Variants in THBD observed in about 807,000 individuals in gnomAD.
The protein encoded by THBD is CD141 antigen.
For synonymous variants in THBD, 449 were observed against 374.2 expected (o/e 1.20, Z -2.31); for missense variants, 850 against 816.9 (o/e 1.04, Z -0.49).
In THBD at chr20:23,049,223, G is replaced by C. The variant is rs538290084; in HGVS notation, c.282C>G (p.Pro94=). 1.9e-4 allele frequency: 282 copies of C among 1,524,152 alleles called. No individual in the cohort carries two copies. Among genetic ancestry groups the C allele is most frequent in the Middle Eastern group, 5.5e-4 (3 of 5,460 alleles). 94.4% of individuals were successfully genotyped at this position (1,524,152 alleles called of 1,614,324 possible). The change falls in exon 1 of 1, where the codon CCC becomes CCG. Residue 94 remains proline, a synonymous_variant. Transcript: ENST00000377103. The part of the protein sequence containing the change: ...RRLWIGLQLP[P]GCGDPKRLGP... The stretch of plus-strand genomic sequence containing the variant: ...CGAGGCGCTTGGGGTCGCCGCAGCC[G>C]GGTGGCAGCTGCAGGCCGATCCAGA...
chr20:23,049,659 G>A lies in THBD; in HGVS notation c.-155C>T. The A allele has an allele frequency of 9.6e-7, 1 of 1,044,984 alleles. No homozygotes were observed. The highest frequency in any genetic ancestry group is 1.4e-6 in the Non-Finnish European group (1 of 698,128). 64.7% of individuals were successfully genotyped at this position (1,044,984 alleles called of 1,614,324 possible). A position where few individuals can be genotyped will look rare whatever the true frequency, so the allele number is the denominator to read the frequency against. On this transcript the variant is annotated 5_prime_UTR_variant, in exon 1 of 1. Transcript: ENST00000377103. Reference sequence around the variant, plus strand: ...TGCCGCTGCGCGCAGCCCCTGCGAGGCAGCCTCTGACATGCGGATCGGCCA... The same window carrying A: ...TGCCGCTGCGCGCAGCCCCTGCGAGACAGCCTCTGACATGCGGATCGGCCA...
chr20:23,047,948 T>G lies in THBD; in HGVS notation c.1557A>C (p.Ile519=). The change falls in exon 1 of 1, where the codon ATA becomes ATC. Residue 519 remains isoleucine, a synonymous_variant. Transcript: ENST00000377103. ...AVGLVHSGLL[I]GISIASLCLV... is the part of the protein sequence containing the mutation. Reference sequence around the variant, plus strand: ...GGCACAGGCTCGCGATGGAGATGCCTATGAGCAAGCCCGAATGCACGAGCC... The same window carrying G: ...GGCACAGGCTCGCGATGGAGATGCCGATGAGCAAGCCCGAATGCACGAGCC... The G allele has an allele frequency of 6.2e-7, 1 of 1,609,776 alleles. No individual in the cohort carries two copies. Among genetic ancestry groups the G allele is most frequent in the Non-Finnish European group, 8.5e-7 (1 of 1,178,506 alleles).
rs960583361 is a variant in THBD, at chr20:23,046,043, G to A, written c.*1734C>T. On this transcript the variant is annotated 3_prime_UTR_variant, in exon 1 of 1. Transcript: ENST00000377103. ...TTGTACAAGTGATGTCATAAGCAAGGATTTTGCCTGTGTTCTAGATTATCT... is the reference window on the plus strand; with the variant it reads ...TTGTACAAGTGATGTCATAAGCAAGAATTTTGCCTGTGTTCTAGATTATCT... The A allele has an allele frequency of 1.3e-5, 2 of 152,202 alleles. No homozygotes were observed. Among genetic ancestry groups the A allele is most frequent in the African/African-American group, 4.8e-5 (2 of 41,438 alleles). The allele number at this position is 152,202 out of a possible 1,614,324, so 9.4% of individuals were successfully genotyped here.
At position 23,049,383 on chromosome 20, in the gene THBD, C is replaced by G; in HGVS notation, c.122G>C (p.Gly41Ala). 2 of 1,601,048 alleles carry G rather than the reference C, an allele frequency of 1.2e-6. No individual in the cohort carries two copies. The highest frequency in any genetic ancestry group is 1.7e-6 in the Non-Finnish European group (2 of 1,174,942). ...ACTGGCATTGAGGAAGGTCGCGGGG[C>G]CCGGGTAGAGCGCGAAGCAGTCGTG... ...VEHDCFALYPGPATFLNASQI... is the reference protein window; with the variant it reads ...VEHDCFALYPAPATFLNASQI... Residue 41 changes from glycine to alanine, a missense_variant, in exon 1 of 1, where the codon GGC becomes GCC. By Grantham distance (60) the Gly-to-Ala change is moderately conservative (BLOSUM62 0). Coordinates refer to ENST00000377103, the MANE Select transcript of THBD (RefSeq NM_000361.3).
In THBD at chr20:23,047,526, C is replaced by A. The variant is rs1984600771; in HGVS notation, c.*251G>T. On this transcript the variant is annotated 3_prime_UTR_variant, in exon 1 of 1. Transcript: ENST00000377103. ...GGTAGTGAGGACCTGGGACAAATCG[C>A]AGTCTGTGTCTTCGTTACAAAATTG... 3.4e-6 allele frequency: 2 copies of A among 584,648 alleles called. No homozygotes were observed. The highest frequency in any genetic ancestry group is 6.0e-6 in the Non-Finnish European group (2 of 331,776). The allele number at this position is 584,648 out of a possible 1,614,324, so 36.2% of individuals were successfully genotyped here.
In THBD at chr20:23,048,880, C is replaced by A; in HGVS notation, c.625G>T (p.Val209Leu). Residue 209 changes from valine to leucine, a missense_variant, in exon 1 of 1, where the codon GTG (valine) becomes TTG (leucine). Transcript: ENST00000377103. ...ARGADFQALP[V>L]GSSAAVAPLG... ...GGAGCCACCGCGGCGGAGCTGCCCA[C>A]CGGCAGCGCCTGGAAGTCCGCTCCG... 1 of 1,509,402 alleles carries A rather than the reference C, an allele frequency of 6.6e-7. No individual in the cohort carries two copies. Among genetic ancestry groups the A allele is most frequent in the East Asian group, 2.5e-5 (1 of 40,236 alleles). The allele number at this position is 1,509,402 out of a possible 1,614,324, so 93.5% of individuals were successfully genotyped here. A position where few individuals can be genotyped will look rare whatever the true frequency, so the allele number is the denominator to read the frequency against.
At position 23,048,385 on chromosome 20, in the gene THBD, A is replaced by G; in HGVS notation, c.1120T>C (p.Cys374Arg). The G allele has an allele frequency of 6.2e-7, 1 of 1,613,976 alleles. No homozygotes were observed. The highest frequency in any genetic ancestry group is 1.7e-5 in the Admixed American group (1 of 60,032). ...EPVDPCFRAN[C>R]EYQCQPLNQT... is the part of the protein sequence containing the mutation. ...TTCAGGGGCTGGCACTGGTACTCGCAGTTGGCTCTGAAGCACGGGTCCACG... is the reference window on the plus strand; with the variant it reads ...TTCAGGGGCTGGCACTGGTACTCGCGGTTGGCTCTGAAGCACGGGTCCACG... Residue 374 changes from cysteine to arginine, a missense_variant, in exon 1 of 1, where the codon TGC (cysteine) becomes CGC (arginine). By Grantham distance (180) the Cys-to-Arg change is radical. Transcript: ENST00000377103.
Position 23,046,080 on chromosome 20 carries a change from ATAAC to A in THBD, c.*1693_*1696del, listed in dbSNP as rs1454502353. The A allele has an allele frequency of 3.3e-5, 5 of 152,434 alleles. No homozygotes were observed. The highest frequency in any genetic ancestry group is 9.6e-5 in the African/African-American group (4 of 41,480). The allele number at this position is 152,434 out of a possible 1,614,324, so 9.4% of individuals were successfully genotyped here. A position where few individuals can be genotyped will look rare whatever the true frequency, so the allele number is the denominator to read the frequency against. On this transcript the variant is annotated 3_prime_UTR_variant, in exon 1 of 1. Transcript: ENST00000377103. ...GTTCTAGATTATCTCCAATAAATAAATAACTATGTACAAATATTTTGAGTTTACA... is the reference window on the plus strand; with the variant it reads ...GTTCTAGATTATCTCCAATAAATAAATATGTACAAATATTTTGAGTTTACA...
rs763737197 is a variant in THBD at position 23,048,882 on chromosome 20, G to A, written c.623C>T (p.Pro208Leu). ...AARGADFQAL[P>L]VGSSAAVAPL... ...AGCCACCGCGGCGGAGCTGCCCACC[G>A]GCAGCGCCTGGAAGTCCGCTCCGCG... Residue 208 changes from proline to leucine, a missense_variant, in exon 1 of 1, where the codon CCG becomes CTG. Transcript: ENST00000377103. 6.6e-7 allele frequency: 1 copy of A among 1,509,506 alleles called. No individual in the cohort carries two copies. Among genetic ancestry groups the A allele is most frequent in the Non-Finnish European group, 8.8e-7 (1 of 1,133,098 alleles). 93.5% of individuals were successfully genotyped at this position (1,509,506 alleles called of 1,614,324 possible).
chr20:23,049,563 G>T lies in THBD; in HGVS notation c.-59C>A, dbSNP rs1038183975. 1.3e-6 allele frequency: 2 copies of T among 1,535,832 alleles called. No individual in the cohort carries two copies. Among genetic ancestry groups the T allele is most frequent in the Non-Finnish European group, 1.8e-6 (2 of 1,138,146 alleles). ...AAAGCGCGGGCACTGCGACAGGGCC[G>T]TGCCGGAGCAGAGGGGCACAGGACG... On this transcript the variant is annotated 5_prime_UTR_variant, in exon 1 of 1. Transcript: ENST00000377103.
Position 23,049,234 on chromosome 20 carries a change from G to A in THBD, c.271C>T (p.Gln91Ter). 6.4e-7 allele frequency: 1 copy of A among 1,556,436 alleles called. No individual in the cohort carries two copies. ...VGRRRLWIGL[Q>*]LPPGCGDPKR... ...GGGTCGCCGCAGCCGGGTGGCAGCT[G>A]CAGGCCGATCCAGAGGCGCCGGCGG... Residue 91 changes from glutamine (Q) to a stop codon, truncating the protein, a stop_gained, in exon 1 of 1, where the codon CAG becomes TAG. Coordinates refer to ENST00000377103, the MANE Select transcript of THBD (RefSeq NM_000361.3). LOFTEE classifies it low-confidence loss of function (END_TRUNC).
rs1984605987 is a variant in THBD at position 23,047,673 on chromosome 20, G to A, written c.*104C>T. 1 of 1,379,840 alleles carries A rather than the reference G, an allele frequency of 7.2e-7. No individual in the cohort carries two copies. The highest frequency in any genetic ancestry group is 9.8e-7 in the Non-Finnish European group (1 of 1,024,034). 85.5% of individuals were successfully genotyped at this position (1,379,840 alleles called of 1,614,324 possible). A position where few individuals can be genotyped will look rare whatever the true frequency, so the allele number is the denominator to read the frequency against. On this transcript the variant is annotated 3_prime_UTR_variant, in exon 1 of 1. Transcript: ENST00000377103. ...GAAAACAGCTTGGGGGGTGCGGGGA[G>A]GGTCTTCTCCAGCTGTAATGCCAGC...
chr20:23,048,393 C>G lies in THBD; in HGVS notation c.1112G>C (p.Arg371Thr), dbSNP rs373493666. 23 of 1,613,904 alleles carry G rather than the reference C, an allele frequency of 1.4e-5. No individual in the cohort carries two copies. Among genetic ancestry groups the G allele is most frequent in the Non-Finnish European group, 1.8e-5 (21 of 1,180,028 alleles). ...ECVEPVDPCF[R>T]ANCEYQCQPL... Reference sequence around the variant, plus strand: ...CTGGCACTGGTACTCGCAGTTGGCTCTGAAGCACGGGTCCACGGGCTCCAC... The same window carrying G: ...CTGGCACTGGTACTCGCAGTTGGCTGTGAAGCACGGGTCCACGGGCTCCAC... Residue 371 changes from arginine to threonine, a missense_variant, in exon 1 of 1, where the codon AGA becomes ACA. Transcript: ENST00000377103.
rs912809279 is a variant in THBD at position 23,047,809 on chromosome 20, C to T, written c.1696G>A (p.Val566Met). Residue 566 changes from valine to methionine, a missense_variant, in exon 1 of 1, where the codon GTG (valine) becomes ATG (methionine). By Grantham distance (21) the Val-to-Met change is conservative. Transcript: ENST00000377103. Reference protein sequence around the residue: ...APSKEVVLQHVRTERTPQRL With the variant: ...APSKEVVLQHMRTERTPQRL ...CTCTGCGGCGTCCGCTCGGTCCGCA[C>T]GTGCTGCAGCACTACCTCCTTGGAA... 8.8e-6 allele frequency: 14 copies of T among 1,596,582 alleles called. No individual in the cohort carries two copies. In the East Asian group the frequency reaches 2.0e-4, roughly 23 times the overall value.
Position 23,046,384 on chromosome 20 carries a change from TG to T in THBD, c.*1392del, listed in dbSNP as rs1470883279. ...GTATTCCAGAAAATTGGAAGCAGTCTGGAATGGTTGTCCTCAAATTACTGAG... is the reference window on the plus strand; with the variant it reads ...GTATTCCAGAAAATTGGAAGCAGTCTGAATGGTTGTCCTCAAATTACTGAG... On this transcript the variant is annotated 3_prime_UTR_variant, in exon 1 of 1. Coordinates refer to ENST00000377103, the MANE Select transcript of THBD (RefSeq NM_000361.3). 1.3e-5 allele frequency: 2 copies of T among 152,244 alleles called. No homozygotes were observed. Among genetic ancestry groups the T allele is most frequent in the African/African-American group, 4.8e-5 (2 of 41,468 alleles). The allele number at this position is 152,244 out of a possible 1,614,324, so 9.4% of individuals were successfully genotyped here.
Position 23,048,710 on chromosome 20 carries a change from G to A in THBD, c.795C>T (p.Cys265=), listed in dbSNP as rs1170412994. The A allele has an allele frequency of 1.3e-6, 2 of 1,581,300 alleles. No individual in the cohort carries two copies. Among genetic ancestry groups the A allele is most frequent in the Admixed American group, 3.5e-5 (2 of 57,628 alleles). Residue 265 remains cysteine (C), a synonymous_variant, in exon 1 of 1, where the codon TGC becomes TGT. Coordinates refer to ENST00000377103, the MANE Select transcript of THBD (RefSeq NM_000361.3). ...GCAGGGCGGCGCCGGCTGGGCACTGGCAGCGGGGAGCCCCAGGGATCGCAT... is the reference window on the plus strand; with the variant it reads ...GCAGGGCGGCGCCGGCTGGGCACTGACAGCGGGGAGCCCCAGGGATCGCAT... ...ACNAIPGAPR[C]QCPAGAALQA... is the part of the protein sequence containing the mutation.
Position 23,048,489 on chromosome 20 carries a change from C to A in THBD, c.1016G>T (p.Arg339Leu). The A allele has an allele frequency of 6.2e-7, 1 of 1,610,456 alleles. No homozygotes were observed. Among genetic ancestry groups the A allele is most frequent in the Non-Finnish European group, 8.5e-7 (1 of 1,180,018 alleles). Residue 339 changes from arginine to leucine, a missense_variant, in exon 1 of 1, where the codon CGC (arginine) becomes CTC (leucine). Physicochemically the swap from Arg to Leu is moderately radical, Grantham distance 102 (BLOSUM62 -2). Coordinates refer to ENST00000377103, the MANE Select transcript of THBD (RefSeq NM_000361.3). ...GAAGCCACCCTGTGTGTTGACACAG[C>A]GCTGCGGACACGGACTGGGCTCCAG... ...CILEPSPCPQ[R>L]CVNTQGGFEC...
rs1368942564 is a variant in THBD at position 23,048,887 on chromosome 20, C to T, written c.618G>A (p.Ala206=). ...PFAARGADFQ[A]LPVGSSAAVA... is the part of the protein sequence containing the mutation. ...CCGCGGCGGAGCTGCCCACCGGCAG[C>T]GCCTGGAAGTCCGCTCCGCGGGCCG... Residue 206 remains alanine, a synonymous_variant, in exon 1 of 1, where the codon GCG becomes GCA. Transcript: ENST00000377103. 2.6e-6 allele frequency: 4 copies of T among 1,512,586 alleles called. No homozygotes were observed. The African/African-American group carries it at 4.2e-5, about 16-fold the overall frequency. The allele number at this position is 1,512,586 out of a possible 1,614,324, so 93.7% of individuals were successfully genotyped here.
In THBD at chr20:23,049,422, C is replaced by T; in HGVS notation, c.83G>A (p.Ser28Asn). 1 of 1,575,216 alleles carries T rather than the reference C, an allele frequency of 6.3e-7. No homozygotes were observed. The highest frequency in any genetic ancestry group is 8.6e-7 in the Non-Finnish European group (1 of 1,161,598). ...PAPAEPQPGG[S>N]QCVEHDCFAL... ...GAAGCAGTCGTGCTCGACGCACTGG[C>T]TGCCACCCGGCTGCGGCTCTGCGGG... is the stretch of plus-strand genomic sequence containing the variant. The change falls in exon 1 of 1, where the codon AGC (serine) becomes AAC (asparagine). Residue 28 changes from serine (S) to asparagine (N), a missense_variant. Ser to Asn is a conservative substitution (Grantham distance 46). Transcript: ENST00000377103.
Sources: allele counts gnomAD v4.1 joint callset, GRCh38; gene constraint gnomAD v4.1.1; transcripts MANE v1.5; gene names NCBI Gene and HGNC (gene_info 2026-07-23, HGNC 2026-07-21).